TMEM178B: variants seen among roughly 807,000 people sequenced by gnomAD.
The protein encoded by TMEM178B is transmembrane protein 178B.
A neutral mutation model predicts 31.0 loss-of-function variants in TMEM178B; 5 were observed. The observed-to-expected ratio is 0.16, with a 90% CI of 0.08 to 0.34. The LOEUF (loss-of-function observed/expected upper bound fraction) is 0.34, where lower values mean the gene tolerates loss of function less well. TMEM178B is among the 10% of genes least tolerant of loss of function. TMEM178B has a pLI of 1.00. For missense variants in TMEM178B, 275 were observed against 400.3 expected (o/e 0.69, Z 2.67); for synonymous variants, 164 against 164.0 (o/e 1.00, Z 0.00).
chr7:141,510,685 C>CAAAAAAAAAAAAAAAAAAAAAAAAAAAA, the TMEM178B span, among the ~76,000 whole-genome samples: 21 of 24,962 alleles, frequency 8.4e-4, 4 homozygotes, highest in Non-Finnish European at 1.3e-3. Context: ...AACTCCGTCT[C>CAAAAAAAAAAAAAAAAAAAAAAAAAAAA]AAAAAAAAAA....
intron 1 of TMEM178B, among the ~76,000 whole-genome samples, chr7:141,100,950 CT>C (rs988362769): frequency 2.0e-5 from 3 of 152,124 alleles, no homozygotes; most frequent in Non-Finnish European, 2.9e-5. Context: ...GGTGTTTGTT[CT>C]GTAAAGAAAC....
intron 2 of TMEM178B, among the ~76,000 whole-genome samples, chr7:141,215,719 T>C (rs1797121635): frequency 6.6e-6 from 1 of 152,228 alleles, no homozygotes; most frequent in African/African-American, 2.4e-5. Context: ...TTGATTTTTT[T>C]CCTGAAACAC....
chr7:141,110,356 C>T (rs931239040), intron 1 of TMEM178B, among the ~76,000 whole-genome samples: 22 of 152,186 alleles, frequency 1.4e-4, no homozygotes, highest in African/African-American at 5.1e-4. Flanking sequence ...CAATTTGGAA[C>T]ATATAGTTAC....
chr7:141,122,970 T>C (rs965931864), intron 1 of TMEM178B, among the ~76,000 whole-genome samples: 2 of 152,348 alleles, frequency 1.3e-5, no homozygotes, highest in Admixed American at 1.3e-4. Flanking sequence ...GAAATTCCAG[T>C]TGTGGTCAGC....
rs1794562117 is a variant in TMEM178B at position 141,074,424 on chromosome 7, G to A, written c.114G>A (p.Lys38=). ...SDHWYETDAR[K]HRDRCKAFNT... Reference sequence around the variant, plus strand: ...ACTGGTACGAGACGGACGCCAGGAAGCACAGGGACAGGTGCAAGGCCTTCA... The same window carrying A: ...ACTGGTACGAGACGGACGCCAGGAAACACAGGGACAGGTGCAAGGCCTTCA... Residue 38 remains lysine (K), a synonymous_variant, in exon 1 of 4, where the codon AAG becomes AAA. Transcript: ENST00000565468. This position sits in a 1 kb window ranked among gnomAD's most constrained non-coding sequence, Gnocchi z 5.1. 3 of 1,536,026 alleles carry A rather than the reference G, an allele frequency of 2.0e-6. No homozygotes were observed. Among genetic ancestry groups the A allele is most frequent in the Admixed American group, 2.0e-5 (1 of 50,990 alleles).
intron 3 of TMEM178B, among the ~76,000 whole-genome samples, chr7:141,456,274 T>C (rs528150863): frequency 6.6e-6 from 1 of 152,158 alleles, no homozygotes; most frequent in African/African-American, 2.4e-5. Flanking sequence ...AGAAGGACCA[T>C]AGAGATCTGG....
Position 141,120,231 on chromosome 7 carries a change from T to C in TMEM178B, c.382+45539T>C, listed in dbSNP as rs541377495. On this transcript the variant is annotated intron_variant, in intron 1 of 3. Transcript: ENST00000565468. ...TTGGGCAAGTTCAACCTTCCTTTCT[T>C]TTTATCTGCAGAAGGAAGGAAATGG... Among the ~76,000 whole-genome samples the C allele has an allele frequency of 5.3e-5, 8 of 152,336 alleles. No individual in the cohort carries two copies. In the South Asian group the frequency reaches 6.2e-4, roughly 12 times the overall value.
the TMEM178B span, among the ~76,000 whole-genome samples, chr7:141,501,688 C>T: frequency 9.2e-5 from 14 of 152,262 alleles, no homozygotes; most frequent in African/African-American, 3.4e-4. Context: ...GTGAAGTCCC[C>T]AGAAGGAGAA....
At chr7:141,292,669 G>A (rs1243420130) in intron 2 of TMEM178B, among the ~76,000 whole-genome samples, 4 of 119,386 alleles carry the variant, frequency 3.4e-5, no homozygotes, top group African/African-American at 6.5e-5. Context: ...ATGGAGTCTC[G>A]CTCTGTCACC....
At chr7:141,305,114 A>G (rs573530848) in intron 2 of TMEM178B, among the ~76,000 whole-genome samples, 2 of 152,328 alleles carry the variant, frequency 1.3e-5, no homozygotes, top group Non-Finnish European at 2.9e-5. Flanking sequence ...AAAATATTTT[A>G]TGGTCTATGA....
At chr7:141,429,254 G>A (rs1304709407) in intron 2 of TMEM178B, among the ~76,000 whole-genome samples, 2 of 151,380 alleles carry the variant, frequency 1.3e-5, no homozygotes, top group Admixed American at 6.6e-5. Flanking sequence ...GCTAAGACGT[G>A]GAATCATATC....
intron 3 of TMEM178B, among the ~76,000 whole-genome samples, chr7:141,449,442 G>T (rs1020846095): frequency 2.6e-5 from 4 of 152,102 alleles, no homozygotes; most frequent in African/African-American, 9.7e-5. Flanking sequence ...CCCAAGGAAG[G>T]GGGGCACTCT....
At chr7:141,462,542 A>T (rs1193476897) in intron 3 of TMEM178B, among the ~76,000 whole-genome samples, 1 of 151,948 alleles carries the variant, frequency 6.6e-6, no homozygotes, top group Admixed American at 6.6e-5. Flanking sequence ...CTGAGGGGGA[A>T]GCCTGGAGCC....
chr7:141,225,282 C>T (rs2129190386), intron 2 of TMEM178B, among the ~76,000 whole-genome samples: 1 of 152,298 alleles, frequency 6.6e-6, no homozygotes, highest in Middle Eastern at 3.4e-3. Flanking sequence ...TCCTTCACCC[C>T]TCCCCCACCA....
At chr7:141,392,807 G>T (rs1800569947) in intron 2 of TMEM178B, among the ~76,000 whole-genome samples, 1 of 151,384 alleles carries the variant, frequency 6.6e-6, no homozygotes, top group Non-Finnish European at 1.5e-5. Flanking sequence ...TAGGTCCCTG[G>T]GAGCCATAAT....
chr7:141,294,023 A>G (rs1187637597), intron 2 of TMEM178B, among the ~76,000 whole-genome samples: 1 of 152,224 alleles, frequency 6.6e-6, no homozygotes, highest in Admixed American at 6.5e-5. Flanking sequence ...AATAGGTCAC[A>G]TCATGGTGGG....
chr7:141,432,730 T>C (rs954918813), intron 2 of TMEM178B, among the ~76,000 whole-genome samples: 2 of 152,232 alleles, frequency 1.3e-5, no homozygotes, highest in African/African-American at 4.8e-5. Flanking sequence ...TTCTTCTCCC[T>C]GTAACTTGTT....
intron 3 of TMEM178B, among the ~76,000 whole-genome samples, chr7:141,443,357 G>A (rs1459367986): frequency 4.6e-5 from 7 of 152,256 alleles, no homozygotes; most frequent in East Asian, 1.9e-4. Flanking sequence ...CTAGGATCCC[G>A]TTCAGGACAC....
the TMEM178B span, among the ~76,000 whole-genome samples, chr7:141,495,449 T>C: frequency 1.3e-5 from 2 of 152,202 alleles, no homozygotes; most frequent in Non-Finnish European, 2.9e-5. Context: ...TTTTCATTCT[T>C]CTTTCTTAGT....
Sources: allele counts gnomAD v4.1 joint callset (sites outside exome capture counted in the v4.1 genomes callset), GRCh38; gene constraint gnomAD v4.1.1; non-coding constraint Gnocchi (gnomAD v3.1); transcripts MANE v1.5; gene names NCBI Gene and HGNC (gene_info 2026-07-23, HGNC 2026-07-21).